VPS33B: variants seen among roughly 807,000 people sequenced by gnomAD.
VPS33B encodes VPS33B late endosome and lysosome associated.
A neutral mutation model predicts 95.3 loss-of-function variants in VPS33B; 80 were observed. That is an observed-to-expected ratio of 0.84 (90% confidence interval 0.70 to 1.01). The LOEUF (loss-of-function observed/expected upper bound fraction) is 1.01, where lower values mean the gene tolerates loss of function less well. Ranked by LOEUF, VPS33B falls within the 50% of genes least tolerant of loss-of-function variation. VPS33B has a pLI of 0.00. For missense variants in VPS33B, 715 were observed against 773.4 expected (o/e 0.92, Z 0.90); for synonymous variants, 280 against 280.4 (o/e 1.00, Z 0.01).
In VPS33B at chr15:91,007,927, A is replaced by C. The variant is rs748371414; in HGVS notation, c.441T>G (p.Pro147=). ...SCDEWAFSLL[P]LDVDLLSMEL... Reference sequence around the variant, plus strand: ...CCATGCTCAGCAGATCCACATCAAGAGGCAGCAAAGAGAAGGCCCATTCAT... The same window carrying C: ...CCATGCTCAGCAGATCCACATCAAGCGGCAGCAAAGAGAAGGCCCATTCAT... The change falls in exon 7 of 23, where the codon CCT becomes CCG. Residue 147 remains proline (P), a synonymous_variant. Transcript: ENST00000333371. The surrounding 1 kb of genome is among the most constrained non-coding windows in gnomAD (Gnocchi z 5.3). 3 of 1,614,202 alleles carry C rather than the reference A, an allele frequency of 1.9e-6. No homozygotes were observed. The highest frequency in any genetic ancestry group is 3.3e-5 in the Admixed American group (2 of 60,024).
rs143587310 is a variant in VPS33B at position 91,010,600 on chromosome 15, CAAAT to C, written c.358-758_358-755del. On this transcript the variant is annotated intron_variant, in intron 5 of 22. Transcript: ENST00000333371. The surrounding 1 kb of genome is among the most constrained non-coding windows in gnomAD (Gnocchi z 5.7). ...TGGGCAACAGAGTGAGGCCCTGTCT[CAAAT>C]AAATAAATAAAGTAGATGGTCTGTC... Among the ~76,000 whole-genome samples, 1,542 of 152,006 alleles carry C rather than the reference CAAAT, an allele frequency of 0.01. 26 individuals are homozygous for C. Among genetic ancestry groups the C allele is most frequent in the African/African-American group, 0.034 (1,407 of 41,450 alleles).
chr15:91,007,725 A>C lies in VPS33B; in HGVS notation c.498+145T>G. 8.8e-7 allele frequency: 1 copy of C among 1,139,710 alleles called. No individual in the cohort carries two copies. Among genetic ancestry groups the C allele is most frequent in the East Asian group, 2.3e-5 (1 of 42,688 alleles). 70.6% of individuals were successfully genotyped at this position (1,139,710 alleles called of 1,614,324 possible). ...CTCCACAGGAAGTCCCACAGAGACC[A>C]ATCTGTAGCACTCAATCACCACATC... On this transcript the variant is annotated intron_variant, in intron 7 of 22. Transcript: ENST00000333371. The surrounding 1 kb of genome is among the most constrained non-coding windows in gnomAD (Gnocchi z 5.3).
rs769701027 is a variant in VPS33B at position 91,007,011 on chromosome 15, C to T, written c.639G>A (p.Glu213=). 1 of 1,613,700 alleles carries T rather than the reference C, an allele frequency of 6.2e-7. No individual in the cohort carries two copies. The highest frequency in any genetic ancestry group is 2.2e-5 in the East Asian group (1 of 44,888). Residue 213 remains glutamate (E), a synonymous_variant, in exon 9 of 23, where the codon GAG becomes GAA. Transcript: ENST00000333371. This position sits in a 1 kb window ranked among gnomAD's most constrained non-coding sequence, Gnocchi z 5.3. ...AYELWRNLEE[E]EDGETKGRRP... ...TTCGGCCCTTGGTTTCGCCATCCTC[C>T]TCCTCCTCCAGGTTCCTCCACAATT...
Position 91,017,365 on chromosome 15 carries a change from T to TTAAAAAAAAAAAAAAAAA in VPS33B, c.178-342_178-341insTTTTTTTTTTTTTTTTTA, listed in dbSNP as rs1555460460. Among the ~76,000 whole-genome samples, 7 of 17,002 alleles carry TTAAAAAAAAAAAAAAAAA rather than the reference T, an allele frequency of 4.1e-4. 2 individuals are homozygous for TTAAAAAAAAAAAAAAAAA. Among genetic ancestry groups the TTAAAAAAAAAAAAAAAAA allele is most frequent in the East Asian group, 4.8e-3 (2 of 420 alleles). 11.2% of individuals were successfully genotyped at this position (17,002 alleles called of 152,430 possible). On this transcript the variant is annotated intron_variant, in intron 2 of 22. Transcript: ENST00000333371. ...TAACAAGACTCCATCTCTACAAAAT[T>TTAAAAAAAAAAAAAAAAA]AAATATATATATATATATATATATA... is the stretch of plus-strand genomic sequence containing the variant.
chr15:91,000,109 G>A lies in VPS33B; in HGVS notation c.1582-134C>T. The A allele has an allele frequency of 9.1e-7, 1 of 1,103,850 alleles. No individual in the cohort carries two copies. Among genetic ancestry groups the A allele is most frequent in the Non-Finnish European group, 1.3e-6 (1 of 745,288 alleles). The allele number at this position is 1,103,850 out of a possible 1,614,324, so 68.4% of individuals were successfully genotyped here. ...AAAAGTTGAGACAGGGCCAGGTGTG[G>A]TGGCTCACGCCTGTAATTCCAACAC... On this transcript the variant is annotated intron_variant, in intron 20 of 22. Coordinates refer to ENST00000333371, the MANE Select transcript of VPS33B (RefSeq NM_018668.5). This position sits in a 1 kb window ranked among gnomAD's most constrained non-coding sequence, Gnocchi z 4.9.
In VPS33B at chr15:91,006,481, A is replaced by G. The variant is rs574648084; in HGVS notation, c.779-36T>C. On this transcript the variant is annotated intron_variant, in intron 10 of 22. Coordinates refer to ENST00000333371, the MANE Select transcript of VPS33B (RefSeq NM_018668.5). The surrounding 1 kb of genome is among the most constrained non-coding windows in gnomAD (Gnocchi z 5.4). ...AGAGGGACAGCTATTAGGATCTCCA[A>G]TGAGGACTTCTCCTACCATTCCCTG... 23 of 1,613,908 alleles carry G rather than the reference A, an allele frequency of 1.4e-5. No homozygotes were observed. Among genetic ancestry groups the G allele is most frequent in the Middle Eastern group, 1.6e-4 (1 of 6,062 alleles).
chr15:91,004,854 C>A, intron 16 of VPS33B, 23 bp downstream of exon 16: 3 of 1,614,074 alleles, frequency 1.9e-6, no homozygotes, highest in Non-Finnish European at 2.5e-6. Context: ...CTGACATTCT[C>A]ATCTTCAGTC....
intron 3 of VPS33B, among the ~76,000 whole-genome samples, chr15:91,016,299 C>CT (rs1237548167): frequency 6.6e-6 from 1 of 151,676 alleles, no homozygotes; most frequent in Non-Finnish European, 1.5e-5. Context: ...GGAGGCCACG[C>CT]TGCAGACAGC....
At chr15:91,014,573 G>T in intron 3 of VPS33B, 140 bp from the exon 4 acceptor site, 1 of 919,884 alleles carries the variant, frequency 1.1e-6, no homozygotes. Flanking sequence ...TATTCTCTTG[G>T]TCCACCATAT....
intron 3 of VPS33B, 29 bp from the exon 4 acceptor site, chr15:91,014,462 G>A (rs774522272): frequency 3.7e-6 from 6 of 1,612,248 alleles, no homozygotes; most frequent in South Asian, 1.1e-5. Context: ...AAAAAACAGT[G>A]AAGAAGAATT....
At position 91,004,940 on chromosome 15, in the gene VPS33B, GAAGA is replaced by G. The variant is rs2040555808; in HGVS notation, c.1171-13_1171-10del. ...CTTTCTATAGGCGACACCTGCATAG[GAAGA>G]AAGAATCAAGGAGAATTGAAGCTTC... On this transcript the variant is annotated splice_polypyrimidine_tract_variant and intron_variant, in intron 15 of 22. Coordinates refer to ENST00000333371, the MANE Select transcript of VPS33B (RefSeq NM_018668.5). The G allele has an allele frequency of 6.2e-7, 1 of 1,614,056 alleles. No homozygotes were observed. Among genetic ancestry groups the G allele is most frequent in the Non-Finnish European group, 8.5e-7 (1 of 1,180,040 alleles).
chr15:91,001,898 T>C (rs2040449024), intron 18 of VPS33B, 152 bp downstream of exon 18: 3 of 1,277,006 alleles, frequency 2.3e-6, no homozygotes, highest in Non-Finnish European at 3.3e-6. Flanking sequence ...AAACTGCTCT[T>C]ACTAGCAGAA....
chr15:91,022,127 C>T (rs1287685462), intron 1 of VPS33B, 27 bp downstream of exon 1: 6 of 1,552,422 alleles, frequency 3.9e-6, no homozygotes, highest in Non-Finnish European at 5.2e-6. Flanking sequence ...ACTGTAGATG[C>T]GATAAAGGCG....
rs751617921 is a variant in VPS33B, at chr15:91,011,296, C to T, written c.358-1450G>A. On this transcript the variant is annotated intron_variant, in intron 5 of 22. Transcript: ENST00000333371. This position sits in a 1 kb window ranked among gnomAD's most constrained non-coding sequence, Gnocchi z 5.5. ...CCCTTAAAATGGTTTAGGCATTGTTCTTAGTGTTTTACAGGAATCACTTGT... is the reference window on the plus strand; with the variant it reads ...CCCTTAAAATGGTTTAGGCATTGTTTTTAGTGTTTTACAGGAATCACTTGT... 2.0e-5 allele frequency among the ~76,000 whole-genome samples: 3 copies of T among 152,174 alleles called. No individual in the cohort carries two copies. Among genetic ancestry groups the T allele is most frequent in the Non-Finnish European group, 4.4e-5 (3 of 68,020 alleles).
intron 6 of VPS33B, 41 bp from the exon 7 acceptor site, chr15:91,008,005 T>G (rs1313674821): frequency 1.7e-4 from 264 of 1,593,354 alleles, no homozygotes; most frequent in Non-Finnish European, 2.0e-4. Flanking sequence ...CAGAAGGTAC[T>G]TAGCTCCACG....
Position 91,007,457 on chromosome 15 carries a change from T to C in VPS33B, c.603+12A>G. On this transcript the variant is annotated intron_variant, in intron 8 of 22. Transcript: ENST00000333371. This position sits in a 1 kb window ranked among gnomAD's most constrained non-coding sequence, Gnocchi z 5.3. ...GCGTCTGCTGGGACAACAGTACTGC[T>C]AGTGCTCTTACCTTGGCGCACCTGC... The C allele has an allele frequency of 1.2e-6, 2 of 1,612,746 alleles. No individual in the cohort carries two copies. Among genetic ancestry groups the C allele is most frequent in the South Asian group, 1.1e-5 (1 of 91,052 alleles).
In VPS33B at chr15:91,022,428, G is replaced by T; in HGVS notation, c.-179C>A. 1.7e-6 allele frequency: 1 copy of T among 586,356 alleles called. No homozygotes were observed. The highest frequency in any genetic ancestry group is 3.1e-5 in the Admixed American group (1 of 32,752). 36.3% of individuals were successfully genotyped at this position (586,356 alleles called of 1,614,324 possible). On this transcript the variant is annotated 5_prime_UTR_variant, in exon 1 of 23. Coordinates refer to ENST00000333371, the MANE Select transcript of VPS33B (RefSeq NM_018668.5). ...GGAATGAATGGCCACCTCCAGGCAA[G>T]AGAGCTACTACCTCGGAGCAGCCTT...
At chr15:91,012,706 T>C (rs2040814377) in intron 5 of VPS33B, among the ~76,000 whole-genome samples, 1 of 152,212 alleles carries the variant, frequency 6.6e-6, no homozygotes, top group South Asian at 2.1e-4. Context: ...TGGAACGTCA[T>C]TCCTCCCAAT....
At position 91,005,105 on chromosome 15, in the gene VPS33B, A is replaced by G. The variant is rs1332959797; in HGVS notation, c.1120T>C (p.Phe374Leu). 1 of 1,614,042 alleles carries G rather than the reference A, an allele frequency of 6.2e-7. No homozygotes were observed. The highest frequency in any genetic ancestry group is 1.3e-5 in the African/African-American group (1 of 74,968). ...IKTEHALLEG[F>L]NIRESTSYIE... ...TAGCTGGTGCTCTCCCGGATGTTGAACCCCTCTAGCAGTGCTGTGAGTAAT... is the reference window on the plus strand; with the variant it reads ...TAGCTGGTGCTCTCCCGGATGTTGAGCCCCTCTAGCAGTGCTGTGAGTAAT... Residue 374 changes from phenylalanine (F) to leucine (L), a missense_variant, in exon 15 of 23, where the codon TTC (phenylalanine) becomes CTC (leucine). Coordinates refer to ENST00000333371, the MANE Select transcript of VPS33B (RefSeq NM_018668.5). The surrounding 1 kb of genome is among the most constrained non-coding windows in gnomAD (Gnocchi z 6.4).
Sources: allele counts gnomAD v4.1 joint callset (sites outside exome capture counted in the v4.1 genomes callset), GRCh38; gene constraint gnomAD v4.1.1; non-coding constraint Gnocchi (gnomAD v3.1); transcripts MANE v1.5; gene names NCBI Gene and HGNC (gene_info 2026-07-23, HGNC 2026-07-21).